Variants in ATP1B2 observed in about 807,000 individuals in gnomAD.
The protein encoded by ATP1B2 is ATPase Na+/K+ transporting subunit beta 2.
ATP1B2 carries 12 observed loss-of-function variants against 37.3 expected under a neutral mutation model. That is an observed-to-expected ratio of 0.32 (90% CI 0.21 to 0.52). The LOEUF is 0.52. Ranked by LOEUF, ATP1B2 falls within the 20% of genes least tolerant of loss-of-function variation. The pLI is 0.96. For synonymous variants in ATP1B2, 139 were observed against 140.5 expected (o/e 0.99, Z 0.07); for missense variants, 324 against 391.6 (o/e 0.83, Z 1.46).
rs1391148488 is a variant in ATP1B2, at chr17:7,655,476, G to A, written c.610-51G>A. 1 of 1,565,486 alleles carries A rather than the reference G, an allele frequency of 6.4e-7. No homozygotes were observed. The highest frequency in any genetic ancestry group is 8.8e-7 in the Non-Finnish European group (1 of 1,136,858). ...AAATGGAAGTCTGGTGAGCTCCTGGGTGCCTGCCATCCCTAACTGGCTCAC... is the reference window on the plus strand; with the variant it reads ...AAATGGAAGTCTGGTGAGCTCCTGGATGCCTGCCATCCCTAACTGGCTCAC... On this transcript the variant is annotated intron_variant, in intron 5 of 6. Transcript: ENST00000250111. The surrounding 1 kb of genome is among the most constrained non-coding windows in gnomAD (Gnocchi z 4.4).
chr17:7,655,858 G>T lies in ATP1B2; in HGVS notation c.836G>T (p.Gly279Val). The T allele has an allele frequency of 6.2e-7, 1 of 1,614,136 alleles. No homozygotes were observed. The highest frequency in any genetic ancestry group is 8.5e-7 in the Non-Finnish European group (1 of 1,180,036). ...GACGATGAGCGAGACAAGTTCGCCGGCCGCGTGGCCTTCAAACTCCGCATC... is the reference window on the plus strand; with the variant it reads ...GACGATGAGCGAGACAAGTTCGCCGTCCGCGTGGCCTTCAAACTCCGCATC... ...ATDDERDKFA[G>V]RVAFKLRINK... The change falls in exon 7 of 7, where the codon GGC (glycine) becomes GTC (valine). Residue 279 changes from glycine (G) to valine (V), a missense_variant. Gly to Val is a moderately radical substitution (Grantham distance 109). Coordinates refer to ENST00000250111, the MANE Select transcript of ATP1B2 (RefSeq NM_001678.5). The surrounding 1 kb of genome is among the most constrained non-coding windows in gnomAD (Gnocchi z 4.4).
Position 7,654,102 on chromosome 17 carries a change from C to T in ATP1B2, c.397C>T (p.Arg133Cys), listed in dbSNP as rs768263993. 4 of 1,614,144 alleles carry T rather than the reference C, an allele frequency of 2.5e-6. No individual in the cohort carries two copies. The highest frequency in any genetic ancestry group is 1.7e-5 in the Admixed American group (1 of 60,018). Residue 133 changes from arginine (R) to cysteine (C), a missense_variant, in exon 4 of 7, where the codon CGC becomes TGC. Transcript: ENST00000250111. This position sits in a 1 kb window ranked among gnomAD's most constrained non-coding sequence, Gnocchi z 4.9. ...AAAGAATGATGTCTGCCGCCCTGGA[C>T]GCTATTACGAACAGCCAGATAATGG... ...AQKNDVCRPG[R>C]YYEQPDNGVL...
At chr17:7,653,771 C>A in intron 2 of ATP1B2, 70 bp from the exon 3 acceptor site, 2 of 1,482,916 alleles carry the variant, frequency 1.3e-6, no homozygotes, top group Non-Finnish European at 1.9e-6. Flanking sequence ...TCCCTGTGTC[C>A]ATTTTCTTCC....
intron 1 of ATP1B2, 79 bp from the exon 2 acceptor site, chr17:7,653,295 T>G: frequency 6.3e-7 from 1 of 1,589,482 alleles, no homozygotes; most frequent in Non-Finnish European, 8.6e-7. Context: ...AACTTCAGAG[T>G]GGGTAGAGGG....
In ATP1B2 at chr17:7,656,223, A is replaced by G; in HGVS notation, c.*328A>G. Reference sequence around the variant, plus strand: ...CCTGCCTGCATATCCCCTGAGAGTTATAGGAAGTGCCCACTGACCCACCCA... The same window carrying G: ...CCTGCCTGCATATCCCCTGAGAGTTGTAGGAAGTGCCCACTGACCCACCCA... On this transcript the variant is annotated 3_prime_UTR_variant, in exon 7 of 7. Coordinates refer to ENST00000250111, the MANE Select transcript of ATP1B2 (RefSeq NM_001678.5). The G allele has an allele frequency of 3.0e-6, 1 of 333,002 alleles. No individual in the cohort carries two copies. The highest frequency in any genetic ancestry group is 5.7e-6 in the Non-Finnish European group (1 of 176,470). 20.6% of individuals were successfully genotyped at this position (333,002 alleles called of 1,614,324 possible).
chr17:7,651,261 C>G lies in ATP1B2; in HGVS notation c.-258C>G. ...TCATACCCCTTCCTCTTGTTATTCT[C>G]CCCTGCTCTGACAGCACCCCTTTTC... On this transcript the variant is annotated 5_prime_UTR_variant, in exon 1 of 7. Transcript: ENST00000250111. 2.0e-6 allele frequency: 1 copy of G among 500,744 alleles called. No individual in the cohort carries two copies. The highest frequency in any genetic ancestry group is 3.6e-6 in the Non-Finnish European group (1 of 275,112). The allele number at this position is 500,744 out of a possible 1,614,324, so 31.0% of individuals were successfully genotyped here.
At chr17:7,647,742 C>A (rs531061409), upstream of ATP1B2, among the ~76,000 whole-genome samples, 3 of 151,946 alleles carry the variant, frequency 2.0e-5, no homozygotes, top group African/African-American at 7.2e-5. Context: ...TCGCTTGAAC[C>A]CGGGAGGTGG....
At chr17:7,647,315 T>G (rs2072581137), upstream of ATP1B2, among the ~76,000 whole-genome samples, 1 of 152,146 alleles carries the variant, frequency 6.6e-6, no homozygotes, top group African/African-American at 2.4e-5. Context: ...AAGGGAAGGC[T>G]GAGGCAACCC....
Position 7,654,218 on chromosome 17 carries a change from C to T in ATP1B2, c.513C>T (p.Tyr171=). Residue 171 remains tyrosine (Y), a synonymous_variant, in exon 4 of 7, where the codon TAC becomes TAT. Coordinates refer to ENST00000250111, the MANE Select transcript of ATP1B2 (RefSeq NM_001678.5). This position sits in a 1 kb window ranked among gnomAD's most constrained non-coding sequence, Gnocchi z 4.9. ...TTGGGGACTCCACCCACTATGGTTA[C>T]AGCACTGGGCAGCCCTGTGTCTTCA... ...SGIGDSTHYG[Y]STGQPCVFIK... The T allele has an allele frequency of 6.2e-7, 1 of 1,614,096 alleles. No individual in the cohort carries two copies. Among genetic ancestry groups the T allele is most frequent in the African/African-American group, 1.3e-5 (1 of 75,054 alleles).
chr17:7,656,157 G>C lies in ATP1B2; in HGVS notation c.*262G>C. ...TAAGATGGCCACGGAGGAGTTAGGA[G>C]CCTTTCTAGTTCTGGTTTAGCTGTG... On this transcript the variant is annotated 3_prime_UTR_variant, in exon 7 of 7. Coordinates refer to ENST00000250111, the MANE Select transcript of ATP1B2 (RefSeq NM_001678.5). The C allele has an allele frequency of 1.9e-6, 1 of 522,580 alleles. No homozygotes were observed. The highest frequency in any genetic ancestry group is 3.3e-5 in the East Asian group (1 of 29,950). 32.4% of individuals were successfully genotyped at this position (522,580 alleles called of 1,614,324 possible).
Position 7,655,317 on chromosome 17 carries a change from T to G in ATP1B2, c.610-210T>G. Reference sequence around the variant, plus strand: ...TCGTGCCATTAGCAGCCTTCAGGAGTTCCTAGAATGATGACAGGGACAGAC... The same window carrying G: ...TCGTGCCATTAGCAGCCTTCAGGAGGTCCTAGAATGATGACAGGGACAGAC... On this transcript the variant is annotated intron_variant, in intron 5 of 6. Coordinates refer to ENST00000250111, the MANE Select transcript of ATP1B2 (RefSeq NM_001678.5). This position sits in a 1 kb window ranked among gnomAD's most constrained non-coding sequence, Gnocchi z 4.4. 1 of 588,154 alleles carries G rather than the reference T, an allele frequency of 1.7e-6. No individual in the cohort carries two copies. 36.4% of individuals were successfully genotyped at this position (588,154 alleles called of 1,614,324 possible).
chr17:7,648,621 G>A (rs2072589776), upstream of ATP1B2, among the ~76,000 whole-genome samples: 1 of 147,554 alleles, frequency 6.8e-6, no homozygotes, highest in African/African-American at 2.5e-5. Flanking sequence ...GTGCCTCTAA[G>A]GGCATTTTTT....
At chr17:7,651,683 G>A in intron 1 of ATP1B2, 53 bp downstream of exon 1, 1 of 1,479,802 alleles carries the variant, frequency 6.8e-7, no homozygotes, top group Non-Finnish European at 9.1e-7. Context: ...GCGACGCCTC[G>A]GGGGCGCAGG....
chr17:7,647,776 G>A (rs564586027), upstream of ATP1B2, among the ~76,000 whole-genome samples: 2 of 151,270 alleles, frequency 1.3e-5, no homozygotes, highest in Admixed American at 1.3e-4. Context: ...CCAAGATCGC[G>A]CCATTGCACT....
chr17:7,648,567 CAAAAAAAAAAAAAAAAAAAA>C (rs58333874), upstream of ATP1B2, among the ~76,000 whole-genome samples: 1 of 69,752 alleles, frequency 1.4e-5, no homozygotes, highest in Non-Finnish European at 2.6e-5. Flanking sequence ...ACTCTGTCTC[CAAAAAAAAAAAAAAAAAAAA>C]AAAAAAAAAA....
Position 7,655,550 on chromosome 17 carries a change from C to A in ATP1B2, c.633C>A (p.Leu211=). 2 of 1,614,190 alleles carry A rather than the reference C, an allele frequency of 1.2e-6. No homozygotes were observed. Among genetic ancestry groups the A allele is most frequent in the Non-Finnish European group, 1.7e-6 (2 of 1,180,038 alleles). Residue 211 remains leucine (L), a synonymous_variant, in exon 6 of 7, where the codon CTC becomes CTA. Coordinates refer to ENST00000250111, the MANE Select transcript of ATP1B2 (RefSeq NM_001678.5). The surrounding 1 kb of genome is among the most constrained non-coding windows in gnomAD (Gnocchi z 4.4). ...AGCGAGATGAAGATGCTGAGAATCT[C>A]GGCAACTTCGTCATGTTCCCCGCCA... ...AGKRDEDAEN[L]GNFVMFPANG...
rs1441663562 is a variant in ATP1B2, at chr17:7,653,402, T to C, written c.141T>C (p.Phe47=). 1 of 1,614,144 alleles carries C rather than the reference T, an allele frequency of 6.2e-7. No homozygotes were observed. Among genetic ancestry groups the C allele is most frequent in the Non-Finnish European group, 8.5e-7 (1 of 1,180,004 alleles). Residue 47 remains phenylalanine (F), a synonymous_variant, in exon 2 of 7, where the codon TTT becomes TTC. Coordinates refer to ENST00000250111, the MANE Select transcript of ATP1B2 (RefSeq NM_001678.5). ...WAFILLFYLV[F]YGFLTAMFTL... ...TTATCCTCCTCTTCTACCTCGTTTT[T>C]TATGGGTTCCTCACCGCCATGTTCA...
Position 7,651,367 on chromosome 17 carries a change from A to C in ATP1B2, c.-152A>C. ...GCAGCGCGTGGTCGTGCACCCCGGA[A>C]TCTGCAGCAGCTGCATATCTGAGGG... On this transcript the variant is annotated 5_prime_UTR_variant, in exon 1 of 7. Coordinates refer to ENST00000250111, the MANE Select transcript of ATP1B2 (RefSeq NM_001678.5). 2 of 671,780 alleles carry C rather than the reference A, an allele frequency of 3.0e-6. No individual in the cohort carries two copies. The highest frequency in any genetic ancestry group is 2.4e-5 in the Admixed American group (1 of 40,934). The allele number at this position is 671,780 out of a possible 1,614,324, so 41.6% of individuals were successfully genotyped here. A position where few individuals can be genotyped will look rare whatever the true frequency, so the allele number is the denominator to read the frequency against.
In ATP1B2 at chr17:7,655,161, C is replaced by T; in HGVS notation, c.610-366C>T. On this transcript the variant is annotated intron_variant, in intron 5 of 6. Transcript: ENST00000250111. The surrounding 1 kb of genome is among the most constrained non-coding windows in gnomAD (Gnocchi z 4.4). ...GTCTGTCCTTTCTAGAAACTGGCTG[C>T]TCCCTCCACATCCCCTTCCTTGCTT... is the stretch of plus-strand genomic sequence containing the variant. 2.9e-6 allele frequency: 1 copy of T among 343,564 alleles called. No homozygotes were observed. The highest frequency in any genetic ancestry group is 5.4e-6 in the Non-Finnish European group (1 of 186,008). 21.3% of individuals were successfully genotyped at this position (343,564 alleles called of 1,614,324 possible).
Sources: allele counts gnomAD v4.1 joint callset (sites outside exome capture counted in the v4.1 genomes callset), GRCh38; gene constraint gnomAD v4.1.1; non-coding constraint Gnocchi (gnomAD v3.1); transcripts MANE v1.5; gene names NCBI Gene and HGNC (gene_info 2026-07-23, HGNC 2026-07-21).